Variants in RGS6 observed in about 807,000 individuals in gnomAD.
The protein encoded by RGS6 is regulator of G-protein signaling 6.
Under a neutral mutation model 78.5 loss-of-function variants are expected in RGS6, and 30 were observed. The ratio of observed to expected loss-of-function variants is 0.38; its 90% confidence interval spans 0.29 to 0.52. The LOEUF is 0.52. Ranked by LOEUF, RGS6 falls within the 20% of genes least tolerant of loss-of-function variation. The probability of loss-of-function intolerance (pLI) is 0.85; values close to 1 mark genes in which losing one functional copy is unlikely to be tolerated. For missense variants in RGS6, 495 were observed against 609.7 expected (o/e 0.81, Z 1.98); for synonymous variants, 206 against 206.0 (o/e 1.00, Z 0.00).
intron 2 of RGS6, among the ~76,000 whole-genome samples, chr14:72,240,135 C>G (rs1411733942): frequency 6.6e-6 from 1 of 152,170 alleles, no homozygotes; most frequent in Non-Finnish European, 1.5e-5. Flanking sequence ...CCCCTAACCC[C>G]CACCCTCTAA....
At chr14:72,076,174 G>C (rs867426197) in intron 2 of RGS6, among the ~76,000 whole-genome samples, 1 of 152,122 alleles carries the variant, frequency 6.6e-6, no homozygotes, top group Non-Finnish European at 1.5e-5. Flanking sequence ...CCAGAGCAGC[G>C]TGCGCCCTCC....
chr14:72,298,431 C>CTTTTTTTTTT, intron 2 of RGS6, among the ~76,000 whole-genome samples: 1 of 83,748 alleles, frequency 1.2e-5, no homozygotes, highest in Non-Finnish European at 2.2e-5. Flanking sequence ...CATTAATGTT[C>CTTTTTTTTTT]TTTTTTTTTT....
At chr14:72,547,270 G>A (rs771354271) in intron 17 of RGS6, 58 of 1,535,528 alleles carry the variant, frequency 3.8e-5, no homozygotes, top group Non-Finnish European at 4.8e-5. Flanking sequence ...CCAATGTCAC[G>A]GTCAAGGAGA....
the RGS6 span, among the ~76,000 whole-genome samples, chr14:72,573,864 C>A: frequency 6.6e-6 from 1 of 152,194 alleles, no homozygotes; most frequent in Non-Finnish European, 1.5e-5. Flanking sequence ...CACACACACG[C>A]ACGACTGTGA....
At chr14:72,484,072 C>T (rs1447528363) in intron 12 of RGS6, among the ~76,000 whole-genome samples, 1 of 152,192 alleles carries the variant, frequency 6.6e-6, no homozygotes, top group Non-Finnish European at 1.5e-5. Context: ...TAATCAGATC[C>T]TTCCTGTCCT....
At chr14:72,074,975 C>G (rs959542676) in intron 2 of RGS6, among the ~76,000 whole-genome samples, 1 of 152,086 alleles carries the variant, frequency 6.6e-6, no homozygotes, top group African/African-American at 2.4e-5. Flanking sequence ...AAATGAACTG[C>G]CTTTAAAAAG....
chr14:72,237,786 A>G (rs847277), intron 2 of RGS6, among the ~76,000 whole-genome samples: 50,543 of 151,942 alleles, frequency 0.33, 9,257 homozygotes, highest in South Asian at 0.46. Flanking sequence ...GAATGTGGCA[A>G]GAATGAACCC....
At chr14:72,050,234 A>G (rs2093142962) in intron 2 of RGS6, among the ~76,000 whole-genome samples, 1 of 152,234 alleles carries the variant, frequency 6.6e-6, no homozygotes, top group Non-Finnish European at 1.5e-5. Context: ...TATGGTGACA[A>G]CGGACTATAT....
At chr14:72,038,688 C>T (rs947318235) in intron 2 of RGS6, among the ~76,000 whole-genome samples, 4 of 152,040 alleles carry the variant, frequency 2.6e-5, no homozygotes, top group African/African-American at 9.7e-5. Flanking sequence ...TTTTAAACAG[C>T]ATTTAAAAAA....
intron 2 of RGS6, among the ~76,000 whole-genome samples, chr14:72,255,052 T>TTCC: frequency 6.6e-6 from 1 of 152,150 alleles, no homozygotes; most frequent in Non-Finnish European, 1.5e-5. Flanking sequence ...CAGCAGGCTG[T>TTCC]GCTGGGCCAC....
At chr14:72,023,780 G>T (rs1426524321) in intron 2 of RGS6, among the ~76,000 whole-genome samples, 9 of 152,190 alleles carry the variant, frequency 5.9e-5, no homozygotes, top group African/African-American at 2.4e-5. Flanking sequence ...CCTGGTCCTG[G>T]AGTATTTGGA....
chr14:72,180,265 GC>G (rs1368079760), intron 2 of RGS6, among the ~76,000 whole-genome samples: 1 of 152,192 alleles, frequency 6.6e-6, no homozygotes, highest in Non-Finnish European at 1.5e-5. Context: ...GTATTCCCAA[GC>G]AAATAAAATC....
intron 2 of RGS6, among the ~76,000 whole-genome samples, chr14:72,131,927 T>C (rs1346117410): frequency 6.6e-6 from 1 of 152,226 alleles, no homozygotes; most frequent in Non-Finnish European, 1.5e-5. Context: ...GTCGGTTGTT[T>C]TTTAAAAATG....
chr14:72,269,517 A>T (rs2059596572), intron 2 of RGS6, among the ~76,000 whole-genome samples: 3 of 140,622 alleles, frequency 2.1e-5, no homozygotes, highest in African/African-American at 8.1e-5. Context: ...TGAGACCCTT[A>T]CCTCCTTCAT....
intron 3 of RGS6, among the ~76,000 whole-genome samples, chr14:72,432,330 G>C (rs981823352): frequency 4.6e-5 from 7 of 152,194 alleles, no homozygotes. Context: ...AGTTCTGGCA[G>C]CTAACAATTC....
At chr14:72,252,858 A>G (rs958564824) in intron 2 of RGS6, among the ~76,000 whole-genome samples, 8 of 152,208 alleles carry the variant, frequency 5.3e-5, no homozygotes, top group African/African-American at 9.6e-5. Flanking sequence ...TTCATGGTCT[A>G]TTAACTCTTG....
chr14:72,112,362 C>CAGGT (rs1014622115), intron 2 of RGS6, among the ~76,000 whole-genome samples: 37 of 152,278 alleles, frequency 2.4e-4, no homozygotes, highest in South Asian at 1.4e-3. Context: ...GTTTTAGGGG[C>CAGGT]AGGTACCTGG....
In RGS6 at chr14:72,478,305, T is replaced by C. The variant is rs776446246; in HGVS notation, c.830T>C (p.Leu277Ser). ...FLNAQIDRHC[L>S]KMSKVAESLI... Reference sequence around the variant, plus strand: ...AACGCACAGATCGACAGACATTGTTTGAAAATGTCCAAAGTGGCTGAAAGG... The same window carrying C: ...AACGCACAGATCGACAGACATTGTTCGAAAATGTCCAAAGTGGCTGAAAGG... Residue 277 changes from leucine to serine, a missense_variant, in exon 12 of 18, where the codon TTG becomes TCG. Physicochemically the swap from Leu to Ser is moderately radical, Grantham distance 145. Coordinates refer to ENST00000553525, the MANE Select transcript of RGS6 (RefSeq NM_001204424.2). The C allele has an allele frequency of 1.9e-6, 3 of 1,611,946 alleles. No individual in the cohort carries two copies. Among genetic ancestry groups the C allele is most frequent in the Admixed American group, 3.3e-5 (2 of 60,014 alleles).
At chr14:72,231,802 C>T (rs2049685695) in intron 2 of RGS6, among the ~76,000 whole-genome samples, 1 of 152,004 alleles carries the variant, frequency 6.6e-6, no homozygotes, top group Non-Finnish European at 1.5e-5. Context: ...CAAAGGTGCT[C>T]AGAGGCTGGA....
Sources: gnomAD v4.1 joint callset for allele counts (sites outside exome capture counted in the v4.1 genomes callset) on GRCh38, gnomAD v4.1.1 for gene constraint, MANE v1.5 for transcripts, NCBI Gene and HGNC (gene_info 2026-07-23, HGNC 2026-07-21) for gene names.